GRIN2A: variants seen among roughly 807,000 people sequenced by gnomAD.
The protein encoded by GRIN2A is glutamate ionotropic receptor NMDA type subunit 2A.
In GRIN2A, 22 loss-of-function variants were observed where a neutral mutation model predicts 113.4. That is an observed-to-expected ratio of 0.19 (90% CI 0.14 to 0.28). GRIN2A has a LOEUF of 0.28. GRIN2A is among the 10% of genes least tolerant of loss of function. The probability of loss-of-function intolerance (pLI) is 1.00; values close to 1 mark genes in which losing one functional copy is unlikely to be tolerated. For synonymous variants in GRIN2A, 827 were observed against 738.4 expected (o/e 1.12, Z -1.94); for missense variants, 1,502 against 1,887.0 (o/e 0.80, Z 3.78).
At chr16:10,179,878 T>TTCCCC in intron 2 of GRIN2A, 120 bp downstream of exon 2, 4 of 443,682 alleles carry the variant, frequency 9.0e-6, no homozygotes, top group Non-Finnish European at 9.4e-6. Flanking sequence ...GCCACGACCC[T>TTCCCC]CCCACCCCCA....
At chr16:9,998,145 G>A (rs17750208) in intron 2 of GRIN2A, among the ~76,000 whole-genome samples, 27,554 of 152,008 alleles carry the variant, frequency 0.18, 2,853 homozygotes, top group East Asian at 0.35. Context: ...ACCAGTATGA[G>A]GCTCTACTTT....
intron 2 of GRIN2A, among the ~76,000 whole-genome samples, chr16:10,092,740 C>T (rs8049283): frequency 0.033 from 4,966 of 152,168 alleles, 123 homozygotes; most frequent in African/African-American, 0.065. Flanking sequence ...CTAGTAGAGA[C>T]GGGATTCAAA....
intron 4 of GRIN2A, among the ~76,000 whole-genome samples, chr16:9,871,333 A>G (rs2043256503): frequency 6.6e-6 from 1 of 152,136 alleles, no homozygotes; most frequent in Non-Finnish European, 1.5e-5. Flanking sequence ...TGCAGGACTT[A>G]AAGGACTCCT....
chr16:10,152,866 A>G (rs1301711244), intron 2 of GRIN2A, among the ~76,000 whole-genome samples: 5 of 152,238 alleles, frequency 3.3e-5, no homozygotes, highest in Non-Finnish European at 7.3e-5. Flanking sequence ...GATTCCAACT[A>G]TATGACATTC....
chr16:10,114,366 T>C (rs2048687299), intron 2 of GRIN2A, among the ~76,000 whole-genome samples: 1 of 152,166 alleles, frequency 6.6e-6, no homozygotes, highest in Non-Finnish European at 1.5e-5. Context: ...CAAGAGATTA[T>C]GTGCGGGTAA....
In GRIN2A at chr16:9,753,455, A is replaced by T. The variant is rs1900243262; in HGVS notation, c.*9694T>A. ...AAATTATCTTTATTAGAAAAATGAA[A>T]TTTTCCTGTATTTACATTTTTACAC... On this transcript the variant is annotated 3_prime_UTR_variant, in exon 13 of 13. Coordinates refer to ENST00000330684, the MANE Select transcript of GRIN2A (RefSeq NM_001134407.3). 1.5e-5 allele frequency: 3 copies of T among 197,630 alleles called. No homozygotes were observed. In the Admixed American group the frequency reaches 1.8e-4, roughly 12 times the overall value. The allele number at this position is 197,630 out of a possible 1,614,324, so 12.2% of individuals were successfully genotyped here. A position where few individuals can be genotyped will look rare whatever the true frequency, so the allele number is the denominator to read the frequency against.
chr16:9,891,231 C>A, intron 3 of GRIN2A, 131 bp from the exon 4 acceptor site: 1 of 694,500 alleles, frequency 1.4e-6, no homozygotes, highest in South Asian at 1.5e-5. Context: ...CACAAGAAGC[C>A]TCTCTGCAGA....
intron 2 of GRIN2A, among the ~76,000 whole-genome samples, chr16:10,118,131 A>T (rs1429987394): frequency 6.6e-6 from 1 of 152,212 alleles, no homozygotes; most frequent in Non-Finnish European, 1.5e-5. Flanking sequence ...ACTTAAGGAG[A>T]ATCTGCCAAA....
chr16:10,012,942 A>G (rs1421413645), intron 2 of GRIN2A, among the ~76,000 whole-genome samples: 1 of 152,204 alleles, frequency 6.6e-6, no homozygotes, highest in Admixed American at 6.5e-5. Flanking sequence ...GGCAACTAAT[A>G]CACCATGTAT....
At chr16:9,997,958 C>T (rs565149439) in intron 2 of GRIN2A, among the ~76,000 whole-genome samples, 1 of 152,230 alleles carries the variant, frequency 6.6e-6, no homozygotes, top group African/African-American at 2.4e-5. Flanking sequence ...TGTAAATTAC[C>T]CAGTCTTGGG....
At chr16:10,128,756 G>A (rs2048999176) in intron 2 of GRIN2A, among the ~76,000 whole-genome samples, 1 of 152,206 alleles carries the variant, frequency 6.6e-6, no homozygotes, top group Non-Finnish European at 1.5e-5. Context: ...AGAAACAGAT[G>A]CAAAACAGAT....
chr16:10,000,179 G>C (rs2046295797), intron 2 of GRIN2A, among the ~76,000 whole-genome samples: 1 of 152,098 alleles, frequency 6.6e-6, no homozygotes, highest in Non-Finnish European at 1.5e-5. Flanking sequence ...CATTTCAAGA[G>C]CCTTAACTTA....
intron 2 of GRIN2A, among the ~76,000 whole-genome samples, chr16:10,162,035 A>G (rs2049818166): frequency 6.6e-6 from 1 of 152,226 alleles, no homozygotes; most frequent in African/African-American, 2.4e-5. Flanking sequence ...CACAGGTTCC[A>G]GGAATTAGAA....
At chr16:9,801,027 T>A (rs1211670880) in intron 10 of GRIN2A, among the ~76,000 whole-genome samples, 1 of 152,224 alleles carries the variant, frequency 6.6e-6, no homozygotes, top group African/African-American at 2.4e-5. Context: ...GGAAAGTCAC[T>A]TTCTCCTTTT....
intron 2 of GRIN2A, among the ~76,000 whole-genome samples, chr16:9,962,875 T>A (rs1423045899): frequency 6.6e-6 from 1 of 152,022 alleles, no homozygotes; most frequent in African/African-American, 2.4e-5. Flanking sequence ...CCAACCCAAA[T>A]GTCCAACAAT....
At chr16:10,129,622 G>A (rs867906610) in intron 2 of GRIN2A, among the ~76,000 whole-genome samples, 1 of 152,326 alleles carries the variant, frequency 6.6e-6, no homozygotes. Context: ...TGTGAGGAAT[G>A]TTCCAGAAAG....
At chr16:10,058,216 T>C (rs1182951299) in intron 2 of GRIN2A, among the ~76,000 whole-genome samples, 2 of 151,540 alleles carry the variant, frequency 1.3e-5, no homozygotes, top group Non-Finnish European at 2.9e-5. Flanking sequence ...GATCAAGCCT[T>C]GCACTCCAGC....
intron 2 of GRIN2A, among the ~76,000 whole-genome samples, chr16:10,110,949 G>T (rs1012779375): frequency 1.3e-5 from 2 of 152,162 alleles, no homozygotes; most frequent in African/African-American, 4.8e-5. Flanking sequence ...GCTATTCAGG[G>T]ATGTATGTGT....
At chr16:10,062,583 A>G (rs913983165) in intron 2 of GRIN2A, among the ~76,000 whole-genome samples, 1 of 152,204 alleles carries the variant, frequency 6.6e-6, no homozygotes, top group Non-Finnish European at 1.5e-5. Flanking sequence ...CGCCGGGCAC[A>G]GTGGCTCACA....
Sources: gnomAD v4.1 joint callset for allele counts (sites outside exome capture counted in the v4.1 genomes callset) on GRCh38, gnomAD v4.1.1 for gene constraint, MANE v1.5 for transcripts, NCBI Gene and HGNC (gene_info 2026-07-23, HGNC 2026-07-21) for gene names.